Variants in ATXN2 observed in about 807,000 individuals in gnomAD.
The protein encoded by ATXN2 is ataxin-2.
Under a neutral mutation model 138.6 loss-of-function variants are expected in ATXN2, and 37 were observed. The observed-to-expected ratio is 0.27, with a 90% CI of 0.21 to 0.35. The LOEUF (loss-of-function observed/expected upper bound fraction) is 0.35, where lower values mean the gene tolerates loss of function less well. Among genes scored for constraint, ATXN2 ranks in the 10% least tolerant of loss-of-function variants. The pLI is 1.00. For synonymous variants in ATXN2, 549 were observed against 543.7 expected (o/e 1.01, Z -0.13); for missense variants, 1,216 against 1,480.3 (o/e 0.82, Z 2.93).
chr12:111,499,514 G>A (rs1265870471), intron 14 of ATXN2, among the ~76,000 whole-genome samples: 1 of 152,102 alleles, frequency 6.6e-6, no homozygotes, highest in African/African-American at 2.4e-5. Context: ...GACCAGCCTG[G>A]GCAACAAGGA....
chr12:111,485,409 T>C (rs1877569026), intron 17 of ATXN2, 78 bp from the exon 18 acceptor site: 1 of 1,358,134 alleles, frequency 7.4e-7, no homozygotes. Context: ...TAGTTTTATA[T>C]TGCTAGAGAG....
intron 18 of ATXN2, among the ~76,000 whole-genome samples, chr12:111,480,717 T>G (rs1877169697): frequency 6.6e-6 from 1 of 152,094 alleles, no homozygotes; most frequent in South Asian, 2.1e-4. Context: ...TTTCAACAAA[T>G]GAGGTGGGGA....
intron 1 of ATXN2, among the ~76,000 whole-genome samples, chr12:111,586,952 A>C (rs1255904611): frequency 1.3e-5 from 2 of 152,060 alleles, no homozygotes; most frequent in Non-Finnish European, 2.9e-5. Context: ...ATCATGTGTA[A>C]AGTAAAAGTT....
At chr12:111,590,374 G>A (rs1002282615) in intron 1 of ATXN2, among the ~76,000 whole-genome samples, 3 of 152,032 alleles carry the variant, frequency 2.0e-5, no homozygotes, top group Non-Finnish European at 4.4e-5. Context: ...AGTACTGTCC[G>A]TGACTGTATT....
Position 111,452,583 on chromosome 12 carries a change from A to C in ATXN2, c.*229T>G. 1 of 548,394 alleles carries C rather than the reference A, an allele frequency of 1.8e-6. No homozygotes were observed. Among genetic ancestry groups the C allele is most frequent in the Non-Finnish European group, 3.2e-6 (1 of 310,672 alleles). 34.0% of individuals were successfully genotyped at this position (548,394 alleles called of 1,614,324 possible). A position where few individuals can be genotyped will look rare whatever the true frequency, so the allele number is the denominator to read the frequency against. Reference sequence around the variant, plus strand: ...GAGCTGGGGTACCTGCGGGACTCTGAAACAGCATATGGAATTATGGAATAG... The same window carrying C: ...GAGCTGGGGTACCTGCGGGACTCTGCAACAGCATATGGAATTATGGAATAG... On this transcript the variant is annotated 3_prime_UTR_variant, in exon 25 of 25. Transcript: ENST00000673436.
At chr12:111,497,872 C>T (rs992302186) in intron 14 of ATXN2, among the ~76,000 whole-genome samples, 6 of 151,814 alleles carry the variant, frequency 4.0e-5, no homozygotes, top group African/African-American at 7.3e-5. Flanking sequence ...AAAAATTAGC[C>T]GGGCGTGTTA....
At chr12:111,465,624 G>A (rs1432079100) in intron 20 of ATXN2, among the ~76,000 whole-genome samples, 1 of 151,786 alleles carries the variant, frequency 6.6e-6, no homozygotes, top group Non-Finnish European at 1.5e-5. Context: ...ACAAAAATTG[G>A]CCGGTCGTGG....
At chr12:111,539,203 G>T (rs1380477792) in intron 5 of ATXN2, among the ~76,000 whole-genome samples, 1 of 150,196 alleles carries the variant, frequency 6.7e-6, no homozygotes, top group Non-Finnish European at 1.5e-5. Flanking sequence ...ATTAGCCTAG[G>T]CCTGGTGTGA....
intron 11 of ATXN2, 87 bp downstream of exon 11, chr12:111,513,270 T>C (rs1879649512): frequency 1.4e-6 from 2 of 1,449,880 alleles, no homozygotes; most frequent in South Asian, 2.6e-5. Flanking sequence ...ATACTTACAC[T>C]TCCTCAAACA....
At position 111,516,040 on chromosome 12, in the gene ATXN2, AAC is replaced by A. The variant is rs1879838003; in HGVS notation, c.1375+112_1375+113del. On this transcript the variant is annotated intron_variant, in intron 10 of 24. Coordinates refer to ENST00000673436, the MANE Select transcript of ATXN2 (RefSeq NM_001372574.1). This position sits in a 1 kb window ranked among gnomAD's most constrained non-coding sequence, Gnocchi z 5.0. Reference sequence around the variant, plus strand: ...AATAGTTTTAATAAACTAAAGTTAAAACACAGAAATTATAGGTTATTAAATAA... The same window carrying A: ...AATAGTTTTAATAAACTAAAGTTAAAACAGAAATTATAGGTTATTAAATAA... The A allele has an allele frequency of 1.4e-5, 14 of 1,026,064 alleles. No homozygotes were observed. Among genetic ancestry groups the A allele is most frequent in the Non-Finnish European group, 1.9e-5 (14 of 735,142 alleles). 63.6% of individuals were successfully genotyped at this position (1,026,064 alleles called of 1,614,324 possible).
intron 14 of ATXN2, among the ~76,000 whole-genome samples, chr12:111,502,350 T>C (rs1008768329): frequency 5.3e-5 from 8 of 152,208 alleles, no homozygotes; most frequent in Non-Finnish European, 7.3e-5. Context: ...TCTAATGCTA[T>C]ATTGCTATAT....
chr12:111,522,779 T>C (rs1880251101), intron 6 of ATXN2, among the ~76,000 whole-genome samples: 1 of 151,894 alleles, frequency 6.6e-6, no homozygotes, highest in South Asian at 2.1e-4. Context: ...CCAGATGTGG[T>C]GGCGGGCGCT....
At chr12:111,529,468 T>TA (rs1377306045) in intron 5 of ATXN2, among the ~76,000 whole-genome samples, 2 of 152,222 alleles carry the variant, frequency 1.3e-5, no homozygotes, top group Non-Finnish European at 2.9e-5. Context: ...TAAAAGCCTC[T>TA]AGACTAGCAG....
At chr12:111,592,782 C>CAAAAAAAGAAAAAAAAAA (rs1884735668) in intron 1 of ATXN2, among the ~76,000 whole-genome samples, 1 of 26,018 alleles carries the variant, frequency 3.8e-5, no homozygotes, top group Non-Finnish European at 8.3e-5. Context: ...GACTCCGTCT[C>CAAAAAAAGAAAAAAAAAA]AAAAAAAAAA....
At chr12:111,553,572 CAAAA>C (rs757837884) in intron 3 of ATXN2, among the ~76,000 whole-genome samples, 1,659 of 48,882 alleles carry the variant, frequency 0.034, 78 homozygotes, top group African/African-American at 0.12. Context: ...TCTTTTTTCT[CAAAA>C]AAAAAAAAAA....
At chr12:111,530,800 C>T (rs1406698791) in intron 5 of ATXN2, among the ~76,000 whole-genome samples, 4 of 150,208 alleles carry the variant, frequency 2.7e-5, no homozygotes, top group African/African-American at 2.4e-5. Flanking sequence ...GACAACAGAG[C>T]GAGACTCCAT....
At chr12:111,501,371 A>G (rs1878749533) in intron 14 of ATXN2, among the ~76,000 whole-genome samples, 1 of 152,238 alleles carries the variant, frequency 6.6e-6, no homozygotes, top group Admixed American at 6.5e-5. Flanking sequence ...AGCAACAAAA[A>G]CAGAACCTAA....
intron 1 of ATXN2, chr12:111,597,784 T>A: frequency 1.8e-6 from 2 of 1,113,786 alleles, no homozygotes. Flanking sequence ...CGTCCCCTGC[T>A]GCAATCTCTC....
intron 11 of ATXN2, chr12:111,511,201 G>A (rs1368192390): frequency 6.6e-6 from 1 of 151,312 alleles, no homozygotes; most frequent in East Asian, 1.9e-4. Context: ...GCAGAGCTCA[G>A]ATTCAAAGGT....
Sources: allele counts gnomAD v4.1 joint callset (sites outside exome capture counted in the v4.1 genomes callset), GRCh38; gene constraint gnomAD v4.1.1; non-coding constraint Gnocchi (gnomAD v3.1); transcripts MANE v1.5; gene names NCBI Gene and HGNC (gene_info 2026-07-23, HGNC 2026-07-21).